The following ARAP2 variants were observed in gnomAD, a reference collection of about 807,000 sequenced individuals.
ARAP2 encodes arf-GAP with Rho-GAP domain, ANK repeat and PH domain-containing protein 2.
ARAP2 carries 148 observed loss-of-function variants against 194.5 expected under a neutral mutation model. The ratio of observed to expected loss-of-function variants is 0.76; its 90% confidence interval spans 0.67 to 0.87. The LOEUF is 0.87. ARAP2 is among the 40% of genes least tolerant of loss of function. The probability of loss-of-function intolerance (pLI) is 0.00; values close to 1 mark genes in which losing one functional copy is unlikely to be tolerated. For missense variants in ARAP2, 2,128 were observed against 1,989.7 expected (o/e 1.07, Z -1.32); for synonymous variants, 695 against 683.5 (o/e 1.02, Z -0.26).
chr4:36,080,923 C>T (rs890507331), intron 30 of ARAP2, among the ~76,000 whole-genome samples: 1 of 152,106 alleles, frequency 6.6e-6, no homozygotes, highest in Non-Finnish European at 1.5e-5. Flanking sequence ...TGAGTGCAAA[C>T]ATAGAAACCA....
chr4:36,014,509 C>T (rs1223420981), intron 8 of ARAP2, among the ~76,000 whole-genome samples: 2 of 152,090 alleles, frequency 1.3e-5, no homozygotes, highest in African/African-American at 2.4e-5. Flanking sequence ...TTACAATTTA[C>T]ATCACTATCT....
At chr4:36,010,567 T>C (rs7699315) in intron 9 of ARAP2, among the ~76,000 whole-genome samples, 6 of 152,008 alleles carry the variant, frequency 3.9e-5, no homozygotes, top group Non-Finnish European at 7.4e-5. Context: ...CTGGATACAT[T>C]TGTGCTTATC....
rs970231414 is a variant in ARAP2 at position 36,171,529 on chromosome 4, G to T, written c.1858-4482C>A. The stretch of plus-strand genomic sequence containing the variant: ...ACTCTGGGGACTGTTGTGGGGTGGG[G>T]GGAGTGGGGAGGGATAGCATTAGGA... On this transcript the variant is annotated intron_variant, in intron 9 of 32. Coordinates refer to ENST00000303965, the MANE Select transcript of ARAP2 (RefSeq NM_015230.4). 3.9e-5 allele frequency among the ~76,000 whole-genome samples: 6 copies of T among 152,074 alleles called. No individual in the cohort carries two copies. In the East Asian group the frequency reaches 1.2e-3, roughly 29 times the overall value.
chr4:36,080,185 C>T (rs1729175275), intron 31 of ARAP2, 31 bp downstream of exon 31: 2 of 1,568,794 alleles, frequency 1.3e-6, no homozygotes, highest in East Asian at 2.3e-5. Context: ...AGTTATTATA[C>T]TCTACTGGAT....
chr4:36,068,900 T>C (rs1726152088), intron 32 of ARAP2, among the ~76,000 whole-genome samples: 1 of 152,228 alleles, frequency 6.6e-6, no homozygotes, highest in South Asian at 2.1e-4. Flanking sequence ...TCCATGGAAA[T>C]TCATTTTAAC....
rs571514372 is a variant in ARAP2, at chr4:36,218,370, T to A, written c.906-3890A>T. On this transcript the variant is annotated intron_variant, in intron 2 of 32. Transcript: ENST00000303965. ...ATCAGAAAAAATAAGTATTGGGTACTAGGCTTAGCACCTGTGACACAAGTT... is the reference window on the plus strand; with the variant it reads ...ATCAGAAAAAATAAGTATTGGGTACAAGGCTTAGCACCTGTGACACAAGTT... Among the ~76,000 whole-genome samples, 13 of 152,230 alleles carry A rather than the reference T, an allele frequency of 8.5e-5. No homozygotes were observed. The South Asian group carries it at 1.5e-3, about 17-fold the overall frequency.
chr4:36,121,209 G>T lies in ARAP2; in HGVS notation c.3864C>A (p.Asp1288Glu), dbSNP rs1410647500. ...ATATTTCTACATAATTATTAATTAGGTCCTCAATTACATTCACTTCTTCAC... is the reference window on the plus strand; with the variant it reads ...ATATTTCTACATAATTATTAATTAGTTCCTCAATTACATTCACTTCTTCAC... The part of the protein sequence containing the change: ...QTSEEVNVIE[D>E]LINNYVEIFE... The change falls in exon 23 of 33, where the codon GAC (aspartate) becomes GAA (glutamate). Residue 1288 changes from aspartate to glutamate, a missense_variant. Coordinates refer to ENST00000303965, the MANE Select transcript of ARAP2 (RefSeq NM_015230.4). 6.3e-7 allele frequency: 1 copy of T among 1,599,668 alleles called. No individual in the cohort carries two copies. Among genetic ancestry groups the T allele is most frequent in the South Asian group, 1.1e-5 (1 of 88,822 alleles).
intron 6 of ARAP2, among the ~76,000 whole-genome samples, chr4:36,018,632 A>C (rs945651377): frequency 6.6e-6 from 1 of 152,198 alleles, no homozygotes; most frequent in African/African-American, 2.4e-5. Flanking sequence ...AAATATGAGT[A>C]AGACTGATTA....
In ARAP2 at chr4:36,067,957, GT is replaced by G; in HGVS notation, c.5064del (p.Gln1688HisfsTer16). 6.2e-7 allele frequency: 1 copy of G among 1,613,378 alleles called. No individual in the cohort carries two copies. Among genetic ancestry groups the G allele is most frequent in the Non-Finnish European group, 8.5e-7 (1 of 1,179,622 alleles). On this transcript the variant is annotated frameshift_variant, in exon 33 of 33. Transcript: ENST00000303965. LOFTEE classifies it high-confidence loss of function. ...RVIEELNVVLQRSRTLPKELQ... is the reference protein window; with the variant it reads ...RVIEELNVVLXRSRTLPKELQ... Reference sequence around the variant, plus strand: ...AATTCTTTTGGAAGGGTTCTTGACCGTTGTAGAACCACATTAAGTTCTTCAA... The same window carrying G: ...AATTCTTTTGGAAGGGTTCTTGACCGTGTAGAACCACATTAAGTTCTTCAA...
intron 1 of ARAP2, among the ~76,000 whole-genome samples, chr4:36,240,916 T>C (rs1381538173): frequency 6.6e-6 from 1 of 152,190 alleles, no homozygotes; most frequent in Non-Finnish European, 1.5e-5. Context: ...ATTAGTAGCA[T>C]AGGAGGTACC....
intron 15 of ARAP2, among the ~76,000 whole-genome samples, chr4:36,157,253 T>A (rs1732776521): frequency 6.6e-6 from 1 of 152,212 alleles, no homozygotes; most frequent in Non-Finnish European, 1.5e-5. Context: ...TCTCCTAAAC[T>A]TTTATGAAAG....
intron 1 of ARAP2, among the ~76,000 whole-genome samples, chr4:36,229,926 C>T (rs1380883213): frequency 5.3e-5 from 8 of 152,086 alleles, no homozygotes; most frequent in Non-Finnish European, 8.8e-5. Flanking sequence ...CTTTATTCAA[C>T]TTATTCATTA....
intron 27 of ARAP2, 49 bp from the exon 28 acceptor site, chr4:36,092,069 T>G: frequency 1.3e-6 from 2 of 1,482,008 alleles, no homozygotes; most frequent in South Asian, 1.4e-5. Context: ...TTTTACTTAT[T>G]TGAAATACAA....
intron 10 of ARAP2, chr4:36,005,548 A>G (rs892165122): frequency 1.3e-5 from 2 of 152,150 alleles, no homozygotes; most frequent in East Asian, 3.8e-4. Flanking sequence ...TAAATTGAGT[A>G]AGGTAAGAAA....
chr4:36,203,721 T>C (rs566969486), intron 6 of ARAP2, among the ~76,000 whole-genome samples: 18 of 152,186 alleles, frequency 1.2e-4, no homozygotes, highest in African/African-American at 3.9e-4. Context: ...CCTACCATGA[T>C]CGTCTTACAA....
At position 36,208,736 on chromosome 4, in the gene ARAP2, T is replaced by C. The variant is rs145027427; in HGVS notation, c.1487+1654A>G. Among the ~76,000 whole-genome samples, 4 of 152,250 alleles carry C rather than the reference T, an allele frequency of 2.6e-5. No homozygotes were observed. The East Asian group carries it at 5.8e-4, about 22-fold the overall frequency. ...ACATATTTCTTTCAAGTCATAGCAATATAATCACGTAGAAGTGTTTTAAAA... is the reference window on the plus strand; with the variant it reads ...ACATATTTCTTTCAAGTCATAGCAACATAATCACGTAGAAGTGTTTTAAAA... On this transcript the variant is annotated intron_variant, in intron 6 of 32. Coordinates refer to ENST00000303965, the MANE Select transcript of ARAP2 (RefSeq NM_015230.4).
At chr4:36,152,935 G>A (rs1160529439) in intron 15 of ARAP2, among the ~76,000 whole-genome samples, 2 of 152,218 alleles carry the variant, frequency 1.3e-5, no homozygotes, top group Non-Finnish European at 2.9e-5. Flanking sequence ...TCACTTGATG[G>A]GTGTTCAGGA....
chr4:36,226,533 G>T (rs1311390954), intron 2 of ARAP2, among the ~76,000 whole-genome samples: 1 of 151,818 alleles, frequency 6.6e-6, no homozygotes, highest in African/African-American at 2.4e-5. Context: ...AATTTAGTTG[G>T]TTTTTCACAA....
At chr4:36,167,157 T>C (rs1366135427) in intron 9 of ARAP2, 110 bp from the exon 10 acceptor site, 1 of 683,024 alleles carries the variant, frequency 1.5e-6, no homozygotes, top group Non-Finnish European at 2.3e-6. Flanking sequence ...TACAACAAAA[T>C]CAGTCTCACT....
Sources: allele counts gnomAD v4.1 joint callset (sites outside exome capture counted in the v4.1 genomes callset), GRCh38; gene constraint gnomAD v4.1.1; transcripts MANE v1.5; gene names NCBI Gene and HGNC (gene_info 2026-07-23, HGNC 2026-07-21).